The following SMARCC1 variants were observed in gnomAD, a reference collection of about 807,000 sequenced individuals.
SMARCC1 encodes the protein SWI/SNF complex subunit SMARCC1.
A neutral mutation model predicts 147.4 loss-of-function variants in SMARCC1; 43 were observed. The observed-to-expected ratio is 0.29, with a 90% confidence interval of 0.23 to 0.38. The LOEUF (loss-of-function observed/expected upper bound fraction) is 0.38. Ranked by LOEUF, SMARCC1 falls within the 10% of genes least tolerant of loss-of-function variation. SMARCC1 has a pLI of 1.00. For synonymous variants in SMARCC1, 495 were observed against 484.4 expected, an observed-to-expected ratio of 1.02 and a Z score of -0.29; for missense variants, 1,119 against 1,381.1, an observed-to-expected ratio of 0.81 and a Z score of 3.01.
chr3:47,759,903 C>A (rs977071801), intron 2 of SMARCC1, among the ~76,000 whole-genome samples: 1 of 152,010 alleles, frequency 6.6e-6, no homozygotes, highest in African/African-American at 2.4e-5. Flanking sequence ...TGCCATTGCA[C>A]TCCAGCCTGG....
At chr3:47,674,582 T>C (rs2106753819) in intron 18 of SMARCC1, among the ~76,000 whole-genome samples, 1 of 152,332 alleles carries the variant, frequency 6.6e-6, no homozygotes, top group South Asian at 2.1e-4. Context: ...TGTTAGTTTT[T>C]AAGAAATTAA....
In SMARCC1 at chr3:47,676,636, G is replaced by T; in HGVS notation, c.1718C>A (p.Ser573Ter). 1 of 1,613,648 alleles carries T rather than the reference G, an allele frequency of 6.2e-7. No individual in the cohort carries two copies. The highest frequency in any genetic ancestry group is 1.1e-5 in the South Asian group (1 of 91,058). The change falls in exon 17 of 28, where the codon TCA (serine) becomes TAA (stop). Residue 573 changes from serine (S) to a stop codon, truncating the protein, a stop_gained. Coordinates refer to ENST00000254480, the MANE Select transcript of SMARCC1 (RefSeq NM_003074.4). LOFTEE classifies it high-confidence loss of function. ...AAGTCAACATTAATTTACCTGAGGTGATCGAAGATGCAGAGGCACAAGCCC... is the reference window on the plus strand; with the variant it reads ...AAGTCAACATTAATTTACCTGAGGTTATCGAAGATGCAGAGGCACAAGCCC... ...PSGLVPLHLR[S>*]PQVPAAQQML...
intron 2 of SMARCC1, among the ~76,000 whole-genome samples, chr3:47,771,241 A>T (rs967836020): frequency 6.6e-6 from 1 of 152,144 alleles, no homozygotes; most frequent in Non-Finnish European, 1.5e-5. Flanking sequence ...TATTTGAAAG[A>T]TCAGTAAGTT....
At chr3:47,667,770 G>A (rs894294777) in intron 19 of SMARCC1, among the ~76,000 whole-genome samples, 3 of 152,104 alleles carry the variant, frequency 2.0e-5, no homozygotes, top group African/African-American at 7.2e-5. Context: ...CCAACTACTC[G>A]GGAGGCTGAG....
intron 19 of SMARCC1, 82 bp downstream of exon 19, chr3:47,670,576 C>G: frequency 1.7e-5 from 16 of 928,628 alleles, no homozygotes; most frequent in Non-Finnish European, 2.7e-5. Context: ...ACAGCGAGAC[C>G]CTGCCTCTAA....
intron 26 of SMARCC1, among the ~76,000 whole-genome samples, chr3:47,593,599 T>C (rs2032222153): frequency 6.6e-6 from 1 of 152,210 alleles, no homozygotes; most frequent in African/African-American, 2.4e-5. Context: ...GAATATAGGT[T>C]AGAAGACAGT....
At chr3:47,654,588 A>T (rs779037016) in intron 21 of SMARCC1, among the ~76,000 whole-genome samples, 68 of 152,214 alleles carry the variant, frequency 4.5e-4, no homozygotes, top group Non-Finnish European at 7.6e-4. Flanking sequence ...AAAAGGGTTT[A>T]TTTAGCTCAC....
At chr3:47,668,108 G>C (rs964395913) in intron 19 of SMARCC1, among the ~76,000 whole-genome samples, 2 of 151,986 alleles carry the variant, frequency 1.3e-5, no homozygotes, top group Non-Finnish European at 2.9e-5. Context: ...GAATAGAGTG[G>C]CTCCATTATC....
chr3:47,634,909 T>C (rs2032948270), intron 24 of SMARCC1, among the ~76,000 whole-genome samples: 1 of 152,192 alleles, frequency 6.6e-6, no homozygotes, highest in Non-Finnish European at 1.5e-5. Context: ...AAAATGATAA[T>C]CAGTTCCTTA....
At chr3:47,703,120 G>C (rs913809943) in intron 10 of SMARCC1, among the ~76,000 whole-genome samples, 3 of 151,976 alleles carry the variant, frequency 2.0e-5, no homozygotes, top group Admixed American at 6.6e-5. Context: ...TTTTAGTAGA[G>C]ACGGGGTTTC....
intron 27 of SMARCC1, among the ~76,000 whole-genome samples, chr3:47,590,344 A>C (rs373807478): frequency 6.6e-6 from 1 of 152,374 alleles, no homozygotes; most frequent in East Asian, 1.9e-4. Context: ...CACCACCAGT[A>C]GCTCTACATG....
At chr3:47,719,751 TTGAA>T (rs2034207050) in intron 7 of SMARCC1, among the ~76,000 whole-genome samples, 1 of 152,100 alleles carries the variant, frequency 6.6e-6, no homozygotes, top group South Asian at 2.1e-4. Flanking sequence ...TATTTATTTT[TTGAA>T]GACAGAGTGA....
At chr3:47,688,446 G>T (rs1409459985) in intron 13 of SMARCC1, among the ~76,000 whole-genome samples, 2 of 151,258 alleles carry the variant, frequency 1.3e-5, no homozygotes, top group African/African-American at 4.9e-5. Context: ...TCATCTTAGG[G>T]AATTTCTTTG....
intron 18 of SMARCC1, among the ~76,000 whole-genome samples, chr3:47,671,837 G>C (rs1410232349): frequency 6.6e-6 from 1 of 151,968 alleles, no homozygotes; most frequent in Non-Finnish European, 1.5e-5. Flanking sequence ...TCTACAATCT[G>C]TGATTTTCCT....
intron 13 of SMARCC1, among the ~76,000 whole-genome samples, chr3:47,688,668 A>G (rs1301326227): frequency 6.6e-6 from 1 of 152,212 alleles, no homozygotes; most frequent in Non-Finnish European, 1.5e-5. Context: ...GTAGCTCGCA[A>G]TAAGGCTCAA....
chr3:47,599,729 T>C (rs897887901), intron 26 of SMARCC1, among the ~76,000 whole-genome samples: 3 of 152,222 alleles, frequency 2.0e-5, no homozygotes, highest in Admixed American at 6.5e-5. Flanking sequence ...ACCAAACTGA[T>C]TGATCCATTA....
At chr3:47,588,350 A>G in intron 27 of SMARCC1, 44 bp from the exon 28 acceptor site, 2 of 1,566,042 alleles carry the variant, frequency 1.3e-6, no homozygotes, top group Non-Finnish European at 1.8e-6. Context: ...TGGAAATACA[A>G]GAGACTCAGG....
chr3:47,679,861 CAAAAAAAAA>C (rs35582823), intron 15 of SMARCC1, among the ~76,000 whole-genome samples: 1 of 78,534 alleles, frequency 1.3e-5, no homozygotes, highest in Non-Finnish European at 2.4e-5. Flanking sequence ...GACTCCATCT[CAAAAAAAAA>C]AAAAAAAAAG....
At chr3:47,743,942 A>G (rs1416312852) in intron 3 of SMARCC1, among the ~76,000 whole-genome samples, 1 of 152,170 alleles carries the variant, frequency 6.6e-6, no homozygotes, top group Admixed American at 6.6e-5. Context: ...GACTTGTGAT[A>G]AAAGCTAAAC....
Sources: gnomAD v4.1 joint callset for allele counts (sites outside exome capture counted in the v4.1 genomes callset) on GRCh38, gnomAD v4.1.1 for gene constraint, MANE v1.5 for transcripts, NCBI Gene and HGNC (gene_info 2026-07-23, HGNC 2026-07-21) for gene names.